Variants in RAB3B observed in about 807,000 individuals in gnomAD.
RAB3B encodes ras-related protein Rab-3B.
Under a neutral mutation model 20.5 loss-of-function variants are expected in RAB3B, and 11 were observed. That is an observed-to-expected ratio of 0.54 (90% CI 0.34 to 0.89). The LOEUF (loss-of-function observed/expected upper bound fraction) is 0.89. Among genes scored for constraint, RAB3B ranks in the 40% least tolerant of loss-of-function variants. RAB3B has a pLI of 0.02. For missense variants in RAB3B, 225 were observed against 280.9 expected (o/e 0.80, Z 1.42); for synonymous variants, 99 against 106.3 (o/e 0.93, Z 0.42).
At chr1:51,943,109 C>G (rs373728615) in intron 2 of RAB3B, among the ~76,000 whole-genome samples, 1 of 152,044 alleles carries the variant, frequency 6.6e-6, no homozygotes, top group Non-Finnish European at 1.5e-5. Context: ...ATGGGCCCAG[C>G]GTGGTGGCTC....
intron 2 of RAB3B, among the ~76,000 whole-genome samples, chr1:51,945,595 C>T (rs1684554151): frequency 1.3e-5 from 2 of 152,154 alleles, no homozygotes; most frequent in African/African-American, 4.8e-5. Flanking sequence ...TAGAACAGTT[C>T]CTGCTGTGTA....
chr1:51,942,833 C>G (rs985844164), intron 2 of RAB3B, among the ~76,000 whole-genome samples: 1 of 152,116 alleles, frequency 6.6e-6, no homozygotes, highest in African/African-American at 2.4e-5. Context: ...GTCTCTGTGT[C>G]ACATTTTGGT....
chr1:51,922,182 T>G (rs1267491982), intron 4 of RAB3B, among the ~76,000 whole-genome samples: 2 of 152,206 alleles, frequency 1.3e-5, no homozygotes, highest in Non-Finnish European at 2.9e-5. Flanking sequence ...GTCACAAAAA[T>G]GGACTCCCCA....
chr1:51,928,665 T>C (rs546302703), intron 4 of RAB3B, among the ~76,000 whole-genome samples: 1 of 152,282 alleles, frequency 6.6e-6, no homozygotes, highest in East Asian at 1.9e-4. Flanking sequence ...ATTCTTAACG[T>C]GGTCTACAAG....
intron 4 of RAB3B, among the ~76,000 whole-genome samples, chr1:51,920,730 C>T (rs1684161469): frequency 6.6e-6 from 1 of 152,142 alleles, no homozygotes; most frequent in Admixed American, 6.5e-5. Context: ...GACTTTTTCG[C>T]AGGGATTTTC....
At chr1:51,978,894 C>G (rs888539709) in intron 1 of RAB3B, among the ~76,000 whole-genome samples, 2 of 152,332 alleles carry the variant, frequency 1.3e-5, no homozygotes, top group African/African-American at 4.8e-5. Context: ...AGGTTTAAAG[C>G]TCTCTTGAAG....
intron 2 of RAB3B, among the ~76,000 whole-genome samples, chr1:51,959,938 A>C (rs1684763638): frequency 6.6e-6 from 1 of 152,146 alleles, no homozygotes; most frequent in African/African-American, 2.4e-5. Context: ...TTGGGGGTTT[A>C]GAGTACACGT....
intron 1 of RAB3B, among the ~76,000 whole-genome samples, chr1:51,979,304 CT>C (rs36026308): frequency 0.037 from 5,344 of 144,560 alleles, 121 homozygotes; most frequent in Non-Finnish European, 0.043. Context: ...GAGTCTTGCT[CT>C]TTTCGCCCAG....
intron 2 of RAB3B, among the ~76,000 whole-genome samples, chr1:51,959,161 G>A (rs1333602151): frequency 6.6e-6 from 1 of 152,108 alleles, no homozygotes; most frequent in Non-Finnish European, 1.5e-5. Flanking sequence ...GGTCATCAAA[G>A]GTTTCCCAGA....
chr1:51,947,171 G>A (rs1041603910), intron 2 of RAB3B, among the ~76,000 whole-genome samples: 2 of 152,102 alleles, frequency 1.3e-5, no homozygotes, highest in Non-Finnish European at 2.9e-5. Context: ...CGAGGCAGAC[G>A]GATCATTTGA....
At chr1:51,940,028 T>A (rs34562155) in intron 2 of RAB3B, among the ~76,000 whole-genome samples, 7,185 of 152,344 alleles carry the variant, frequency 0.047, 199 homozygotes, top group Middle Eastern at 0.075. Context: ...CCACTATTTT[T>A]ATACAGGTTG....
intron 4 of RAB3B, among the ~76,000 whole-genome samples, chr1:51,928,884 C>T (rs1306974320): frequency 1.3e-5 from 2 of 152,198 alleles, no homozygotes; most frequent in Non-Finnish European, 2.9e-5. Context: ...TTTGTTCTCA[C>T]CTTAAGTGTT....
intron 1 of RAB3B, among the ~76,000 whole-genome samples, chr1:51,988,046 C>T (rs560302371): frequency 4.4e-4 from 66 of 150,354 alleles, no homozygotes; most frequent in African/African-American, 1.6e-3. Context: ...CTTGACCCAC[C>T]ATGGTATTTT....
At chr1:51,970,395 C>A (rs1208992866) in intron 2 of RAB3B, among the ~76,000 whole-genome samples, 2 of 152,122 alleles carry the variant, frequency 1.3e-5, no homozygotes, top group African/African-American at 4.8e-5. Flanking sequence ...TCTCTCCTAT[C>A]CCTACCTCCC....
intron 4 of RAB3B, among the ~76,000 whole-genome samples, chr1:51,924,074 G>C (rs985312033): frequency 6.6e-6 from 1 of 152,086 alleles, no homozygotes; most frequent in Non-Finnish European, 1.5e-5. Flanking sequence ...GGAAGAGTAG[G>C]TGCTTAGTGA....
chr1:51,989,212 G>GTGTC (rs1179162371), intron 1 of RAB3B, among the ~76,000 whole-genome samples: 2 of 110,434 alleles, frequency 1.8e-5, no homozygotes, highest in African/African-American at 6.3e-5. Flanking sequence ...CTTGTTTTGT[G>GTGTC]TGTGTGTGTG....
At chr1:51,921,837 T>C (rs1449102010) in intron 4 of RAB3B, among the ~76,000 whole-genome samples, 2 of 152,218 alleles carry the variant, frequency 1.3e-5, no homozygotes, top group Middle Eastern at 3.2e-3. Context: ...TCTTTTATCA[T>C]CTTCTCTAAC....
chr1:51,955,476 C>T (rs1684695589), intron 2 of RAB3B, among the ~76,000 whole-genome samples: 1 of 152,092 alleles, frequency 6.6e-6, no homozygotes, highest in Non-Finnish European at 1.5e-5. Context: ...ACTGCAATCT[C>T]TGCCTCCCGG....
intron 4 of RAB3B, among the ~76,000 whole-genome samples, chr1:51,925,305 A>C (rs1684229615): frequency 6.6e-6 from 1 of 151,916 alleles, no homozygotes; most frequent in Admixed American, 6.6e-5. Flanking sequence ...CTTCCTTTCT[A>C]CTCAAGGCTT....
Sources: allele counts gnomAD v4.1 joint callset (sites outside exome capture counted in the v4.1 genomes callset), GRCh38; gene constraint gnomAD v4.1.1; transcripts MANE v1.5; gene names NCBI Gene and HGNC (gene_info 2026-07-23, HGNC 2026-07-21).